SEMA5A: variants seen among roughly 807,000 people sequenced by gnomAD.
SEMA5A encodes the protein semaphorin 5A, also known as semaphorin-5A.
SEMA5A carries 55 observed loss-of-function variants against 135.5 expected under a neutral mutation model. That is an observed-to-expected ratio of 0.41 (90% CI 0.33 to 0.51). The LOEUF is 0.51. Among genes scored for constraint, SEMA5A ranks in the 20% least tolerant of loss-of-function variants. SEMA5A has a pLI of 0.37. For synonymous variants in SEMA5A, 580 were observed against 546.5 expected, an observed-to-expected ratio of 1.06 and a Z score of -0.85; for missense variants, 1,290 against 1,419.9, an observed-to-expected ratio of 0.91 and a Z score of 1.47.
chr5:9,210,998 C>T (rs371185691), intron 8 of SEMA5A, among the ~76,000 whole-genome samples: 14 of 152,156 alleles, frequency 9.2e-5, no homozygotes, highest in African/African-American at 2.9e-4. Context: ...ATTTACAGCA[C>T]GATATCTGAA....
intron 1 of SEMA5A, chr5:9,517,657 G>T (rs1266129692): frequency 6.6e-6 from 1 of 152,172 alleles, no homozygotes; most frequent in African/African-American, 2.4e-5. Flanking sequence ...TAAGAGAAGG[G>T]TTTTAATGTA....
At chr5:9,400,900 A>G (rs1455137896) in intron 2 of SEMA5A, among the ~76,000 whole-genome samples, 1 of 152,158 alleles carries the variant, frequency 6.6e-6, no homozygotes. Flanking sequence ...AATTTACATT[A>G]CCTAGAATTA....
intron 1 of SEMA5A, among the ~76,000 whole-genome samples, chr5:9,543,743 A>T (rs1738220069): frequency 6.6e-6 from 1 of 152,106 alleles, no homozygotes; most frequent in South Asian, 2.1e-4. Context: ...GCAAGCTTCT[A>T]TCTCCAAAGT....
intron 12 of SEMA5A, among the ~76,000 whole-genome samples, chr5:9,146,699 T>C (rs191480048): frequency 4.6e-5 from 7 of 152,300 alleles, no homozygotes; most frequent in African/African-American, 1.7e-4. Flanking sequence ...TATTACACTC[T>C]GAGTCCTCTG....
intron 22 of SEMA5A, chr5:9,043,250 G>T (rs1241360613): frequency 5.1e-6 from 2 of 389,992 alleles, no homozygotes; most frequent in Admixed American, 4.2e-5. Context: ...TTCAACTTTA[G>T]TTATGAAGTT....
intron 8 of SEMA5A, among the ~76,000 whole-genome samples, chr5:9,213,940 T>G (rs1228283344): frequency 1.3e-5 from 2 of 151,850 alleles, no homozygotes; most frequent in Non-Finnish European, 2.9e-5. Flanking sequence ...TCTCGTAAGG[T>G]TGGGGCAAGA....
At chr5:9,199,420 C>T (rs1032127147) in intron 9 of SEMA5A, among the ~76,000 whole-genome samples, 2 of 152,200 alleles carry the variant, frequency 1.3e-5, no homozygotes, top group African/African-American at 4.8e-5. Context: ...TCCCTCTGCC[C>T]TCCCCGCTCT....
rs1485268000 is a variant in SEMA5A, at chr5:9,197,259, G to T, written c.977C>A (p.Ala326Asp). 1 of 1,614,102 alleles carries T rather than the reference G, an allele frequency of 6.2e-7. No individual in the cohort carries two copies. Among genetic ancestry groups the T allele is most frequent in the Non-Finnish European group, 8.5e-7 (1 of 1,180,048 alleles). ...ASAVCVFNLS[A>D]IAQAFSGPFK... Reference sequence around the variant, plus strand: ...GGGCCCAGAGAAGGCCTGCGCGATGGCGCTCAGGTTGAAGACGCACACAGC... The same window carrying T: ...GGGCCCAGAGAAGGCCTGCGCGATGTCGCTCAGGTTGAAGACGCACACAGC... Residue 326 changes from alanine (A) to aspartate (D), a missense_variant, in exon 10 of 23, where the codon GCC becomes GAC. Coordinates refer to ENST00000382496, the MANE Select transcript of SEMA5A (RefSeq NM_003966.3).
intron 1 of SEMA5A, among the ~76,000 whole-genome samples, chr5:9,497,897 T>C (rs1479883939): frequency 6.6e-6 from 1 of 152,226 alleles, no homozygotes; most frequent in Non-Finnish European, 1.5e-5. Flanking sequence ...ATTCATTCTA[T>C]TATTTTCTAA....
intron 8 of SEMA5A, 133 bp from the exon 9 acceptor site, chr5:9,202,373 A>ATGT: frequency 1.4e-6 from 1 of 736,838 alleles, no homozygotes; most frequent in Non-Finnish European, 2.1e-6. Context: ...GACTATTGGG[A>ATGT]GGCCCCGTGA....
intron 1 of SEMA5A, among the ~76,000 whole-genome samples, chr5:9,461,287 T>G (rs559934404): frequency 6.6e-6 from 1 of 152,340 alleles, no homozygotes; most frequent in East Asian, 1.9e-4. Context: ...TTACAGAGAA[T>G]GCTCACTGAA....
rs371147232 is a variant in SEMA5A, at chr5:9,221,463, C to T, written c.646+3211G>A. On this transcript the variant is annotated intron_variant, in intron 8 of 22. Transcript: ENST00000382496. ...GACTACAGGCGCCCACCACCACGCC[C>T]GGCTAATTTTTTCTATTTTTAGTAG... is the stretch of plus-strand genomic sequence containing the variant. Among the ~76,000 whole-genome samples, 601 of 151,760 alleles carry T rather than the reference C, an allele frequency of 4.0e-3. 9 individuals carry two copies. The highest frequency in any genetic ancestry group is 0.013 in the African/African-American group (539 of 41,414).
At chr5:9,095,714 G>A (rs946830883) in intron 16 of SEMA5A, among the ~76,000 whole-genome samples, 1 of 152,184 alleles carries the variant, frequency 6.6e-6, no homozygotes, top group African/African-American at 2.4e-5. Context: ...ATTTAAAAAT[G>A]GAAACTGCAA....
chr5:9,215,982 G>A (rs556829090), intron 8 of SEMA5A, among the ~76,000 whole-genome samples: 44 of 152,234 alleles, frequency 2.9e-4, no homozygotes, highest in Non-Finnish European at 5.0e-4. Flanking sequence ...TATATATGAT[G>A]CATACCTGAG....
intron 3 of SEMA5A, among the ~76,000 whole-genome samples, chr5:9,362,992 C>T (rs972558126): frequency 2.6e-5 from 4 of 152,084 alleles, no homozygotes; most frequent in Admixed American, 1.3e-4. Flanking sequence ...ATTTGTAATG[C>T]GTCTTACTTT....
In SEMA5A at chr5:9,190,350, T is replaced by G. The variant is rs750020756; in HGVS notation, c.1190A>C (p.Glu397Ala). The change falls in exon 11 of 23, where the codon GAG (glutamate) becomes GCG (alanine). Residue 397 changes from glutamate to alanine, a missense_variant. Coordinates refer to ENST00000382496, the MANE Select transcript of SEMA5A (RefSeq NM_003966.3). ...CACGTGGGAAAAGCGGCTATTGTCC[T>G]CCATGAAGGAGGGCACTGTGGTCAC... ...QPVTTVPSFM[E>A]DNSRFSHVAV... is the part of the protein sequence containing the mutation. The G allele has an allele frequency of 5.6e-6, 9 of 1,614,066 alleles. No individual in the cohort carries two copies. In the East Asian group the frequency reaches 2.0e-4, roughly 36 times the overall value.
At chr5:9,519,390 T>C (rs190130353) in intron 1 of SEMA5A, among the ~76,000 whole-genome samples, 2 of 152,340 alleles carry the variant, frequency 1.3e-5, no homozygotes, top group Admixed American at 1.3e-4. Context: ...AACAGCGAAG[T>C]ATGTCCCTAA....
intron 5 of SEMA5A, among the ~76,000 whole-genome samples, chr5:9,304,932 G>A (rs369647621): frequency 4.2e-4 from 64 of 152,168 alleles, no homozygotes; most frequent in Non-Finnish European, 7.6e-4. Context: ...CCCCCACACC[G>A]AAATGTAAGT....
intron 18 of SEMA5A, among the ~76,000 whole-genome samples, chr5:9,062,013 G>A (rs1737207969): frequency 6.6e-6 from 1 of 152,114 alleles, no homozygotes; most frequent in South Asian, 2.1e-4. Context: ...GCCTCCAGAA[G>A]GAGCTGATGG....
Sources: allele counts gnomAD v4.1 joint callset (sites outside exome capture counted in the v4.1 genomes callset), GRCh38; gene constraint gnomAD v4.1.1; transcripts MANE v1.5; gene names NCBI Gene and HGNC (gene_info 2026-07-23, HGNC 2026-07-21).